The following ANK3 variants were observed in gnomAD, a reference collection of about 807,000 sequenced individuals.
ANK3 encodes ankyrin 3.
ANK3 carries 57 observed loss-of-function variants against 370.9 expected under a neutral mutation model. That is an observed-to-expected ratio of 0.15 (90% CI 0.12 to 0.19). ANK3 has a LOEUF of 0.19. Ranked by LOEUF, ANK3 falls within the 10% of genes least tolerant of loss-of-function variation. The pLI is 1.00. For synonymous variants in ANK3, 1,929 were observed against 1,946.3 expected (o/e 0.99, Z 0.23); for missense variants, 4,439 against 5,302.1 (o/e 0.84, Z 5.06).
At chr10:60,356,351 TAC>T (rs2057744605) in intron 1 of ANK3, among the ~76,000 whole-genome samples, 2 of 152,216 alleles carry the variant, frequency 1.3e-5, no homozygotes, top group Non-Finnish European at 2.9e-5. Context: ...AGTCTACATA[TAC>T]AGTCAGTAAT....
chr10:60,709,199 T>C (rs2079664023), intron 1 of ANK3, among the ~76,000 whole-genome samples: 4 of 152,172 alleles, frequency 2.6e-5, no homozygotes. Context: ...ATTACTAGAC[T>C]GGAAGTTTTA....
rs542743803 is a variant in ANK3, at chr10:60,287,938, C to T, written c.115-8299G>A. On this transcript the variant is annotated intron_variant, in intron 1 of 43. Coordinates refer to ENST00000280772, the MANE Select transcript of ANK3 (RefSeq NM_020987.5). ...TTATACCATATCTCATTTGTTCAAA[C>T]GTTGTTGCTTTTAAACCATAATATC... Among the ~76,000 whole-genome samples, 13 of 152,238 alleles carry T rather than the reference C, an allele frequency of 8.5e-5. No homozygotes were observed. The East Asian group carries it at 1.7e-3, about 20-fold the overall frequency.
chr10:60,495,995 T>C (rs2075646294), intron 2 of ANK3, among the ~76,000 whole-genome samples: 1 of 149,660 alleles, frequency 6.7e-6, no homozygotes, highest in Admixed American at 6.6e-5. Context: ...TTTTTTTTTC[T>C]CTTGTTTCCA....
intron 1 of ANK3, among the ~76,000 whole-genome samples, chr10:60,680,368 G>A (rs1357039790): frequency 1.3e-5 from 2 of 152,176 alleles, no homozygotes; most frequent in Non-Finnish European, 2.9e-5. Flanking sequence ...ATGGCCCAGT[G>A]GCTCTGAGTT....
At chr10:60,178,615 C>T (rs1021380729) in intron 18 of ANK3, among the ~76,000 whole-genome samples, 21 of 152,130 alleles carry the variant, frequency 1.4e-4, no homozygotes, top group African/African-American at 5.1e-4. Flanking sequence ...ATATATCTCC[C>T]AGGTAAGAAT....
At chr10:60,343,088 C>G (rs142254610) in intron 1 of ANK3, among the ~76,000 whole-genome samples, 105 of 152,252 alleles carry the variant, frequency 6.9e-4, no homozygotes, top group African/African-American at 2.4e-3. Context: ...GACACATACT[C>G]GTGGGTGAGT....
chr10:60,724,341 C>T (rs1400831230), intron 1 of ANK3, among the ~76,000 whole-genome samples: 1 of 151,680 alleles, frequency 6.6e-6, no homozygotes, highest in Non-Finnish European at 1.5e-5. Context: ...TTTTTAGTCC[C>T]CTCTACTACA....
rs555353994 is a variant in ANK3, at chr10:60,681,081, C to G, written c.57+52182G>C. Reference sequence around the variant, plus strand: ...TGAACATTATGTTCAACTTCTCCCTCTCCTCTACTTTCCAAGTCCAAGTCC... The same window carrying G: ...TGAACATTATGTTCAACTTCTCCCTGTCCTCTACTTTCCAAGTCCAAGTCC... On this transcript the variant is annotated intron_variant, in intron 1 of 43. Transcript: ENST00000373827. Among the ~76,000 whole-genome samples, 9 of 152,274 alleles carry G rather than the reference C, an allele frequency of 5.9e-5. No homozygotes were observed. The South Asian group carries it at 1.7e-3, about 28-fold the overall frequency.
chr10:60,401,232 G>T (rs1169348483), intron 2 of ANK3, among the ~76,000 whole-genome samples: 2 of 152,098 alleles, frequency 1.3e-5, no homozygotes, highest in Non-Finnish European at 2.9e-5. Context: ...GCGGAGAGTG[G>T]GAAATGGAGG....
At chr10:60,045,533 C>T (rs988676502) in intron 42 of ANK3, among the ~76,000 whole-genome samples, 5 of 152,080 alleles carry the variant, frequency 3.3e-5, no homozygotes, top group African/African-American at 9.7e-5. Context: ...ACTTATAGTT[C>T]GGGAGAACAA....
At chr10:60,154,727 G>A (rs781147035) in intron 23 of ANK3, among the ~76,000 whole-genome samples, 28 of 152,032 alleles carry the variant, frequency 1.8e-4, no homozygotes, top group Non-Finnish European at 8.8e-5. Flanking sequence ...CCTGGGAGGC[G>A]GAAGTTACAG....
In ANK3 at chr10:60,351,250, A is replaced by T. The variant is rs185382978; in HGVS notation, c.114+38175T>A. ...TTAAATAGAGAAGATCTATTTAGAG[A>T]TTCAGACTGGGAAAGTTTTTCTTTG... On this transcript the variant is annotated intron_variant, in intron 1 of 43. Coordinates refer to ENST00000280772, the MANE Select transcript of ANK3 (RefSeq NM_020987.5). Among the ~76,000 whole-genome samples the T allele has an allele frequency of 7.4e-3, 1,122 of 152,278 alleles. 10 individuals carry two copies. The highest frequency in any genetic ancestry group is 0.026 in the African/African-American group (1,078 of 41,548).
chr10:60,372,075 T>G (rs1469089894), intron 1 of ANK3, among the ~76,000 whole-genome samples: 1 of 152,236 alleles, frequency 6.6e-6, no homozygotes, highest in Non-Finnish European at 1.5e-5. Context: ...TTCTACACTT[T>G]ACCGCTGTTT....
intron 14 of ANK3, 29 bp from the exon 15 acceptor site, chr10:60,196,654 A>T (rs376556467): frequency 2.1e-6 from 3 of 1,418,924 alleles, no homozygotes; most frequent in Admixed American, 1.8e-5. Context: ...AAAAATAATG[A>T]ACAATAGAAA....
At chr10:60,611,660 A>C (rs1417682699) in intron 2 of ANK3, among the ~76,000 whole-genome samples, 1 of 151,800 alleles carries the variant, frequency 6.6e-6, no homozygotes, top group Non-Finnish European at 1.5e-5. Context: ...CAGTTCAAAG[A>C]CAAAAGAATT....
intron 28 of ANK3, among the ~76,000 whole-genome samples, chr10:60,089,961 A>G (rs1355582744): frequency 6.6e-6 from 1 of 152,202 alleles, no homozygotes; most frequent in South Asian, 2.1e-4. Flanking sequence ...TTGGAAAAAC[A>G]AAGCTAAATC....
intron 28 of ANK3, among the ~76,000 whole-genome samples, chr10:60,099,206 C>T (rs769093452): frequency 6.6e-6 from 1 of 152,090 alleles, no homozygotes; most frequent in Non-Finnish European, 1.5e-5. Context: ...AAGTTTTTCT[C>T]TCTCTTGGGT....
chr10:60,244,909 C>T lies in ANK3; in HGVS notation c.799-10123G>A, dbSNP rs1212226532. On this transcript the variant is annotated intron_variant, in intron 7 of 43. Coordinates refer to ENST00000280772, the MANE Select transcript of ANK3 (RefSeq NM_020987.5). ...TTTGGGCCGGGCGCGGTGGCTCACGCCTGTAATCCCAGCACTTTGGGAGGC... is the reference window on the plus strand; with the variant it reads ...TTTGGGCCGGGCGCGGTGGCTCACGTCTGTAATCCCAGCACTTTGGGAGGC... Among the ~76,000 whole-genome samples, 3 of 152,196 alleles carry T rather than the reference C, an allele frequency of 2.0e-5. No individual in the cohort carries two copies. The East Asian group carries it at 5.8e-4, about 29-fold the overall frequency.
chr10:60,563,744 A>G (rs191424617), intron 2 of ANK3, among the ~76,000 whole-genome samples: 119 of 152,294 alleles, frequency 7.8e-4, no homozygotes, highest in African/African-American at 2.7e-3. Context: ...CCTCAGTCTG[A>G]AGCCATGCTC....
Sources: allele counts gnomAD v4.1 joint callset (sites outside exome capture counted in the v4.1 genomes callset), GRCh38; gene constraint gnomAD v4.1.1; transcripts MANE v1.5; gene names NCBI Gene and HGNC (gene_info 2026-07-23, HGNC 2026-07-21).